The following NRXN3 variants were observed in gnomAD, a reference collection of about 807,000 sequenced individuals.
NRXN3 encodes neurexin III.
Under a neutral mutation model 137.6 loss-of-function variants are expected in NRXN3, and 32 were observed. That is an observed-to-expected ratio of 0.23 (90% confidence interval 0.18 to 0.31). The LOEUF (loss-of-function observed/expected upper bound fraction) is 0.31, where lower values mean the gene tolerates loss of function less well. NRXN3 is among the 10% of genes least tolerant of loss of function. NRXN3 has a pLI of 1.00. For synonymous variants in NRXN3, 798 were observed against 784.5 expected (o/e 1.02, Z -0.29); for missense variants, 1,574 against 2,062.5 (o/e 0.76, Z 4.59).
intron 15 of NRXN3, among the ~76,000 whole-genome samples, chr14:79,213,945 A>G (rs888821171): frequency 2.0e-5 from 3 of 152,236 alleles, no homozygotes; most frequent in African/African-American, 7.2e-5. Context: ...GATCAGTCAT[A>G]CAGACGTGTT....
intron 8 of NRXN3, among the ~76,000 whole-genome samples, chr14:78,757,083 TG>T (rs2098671803): frequency 6.6e-6 from 1 of 152,116 alleles, no homozygotes; most frequent in Admixed American, 6.5e-5. Flanking sequence ...ATCTTAAGAC[TG>T]ATGGTTCAGA....
intron 4 of NRXN3, among the ~76,000 whole-genome samples, chr14:78,396,819 A>G (rs2091503555): frequency 6.6e-6 from 1 of 152,156 alleles, no homozygotes; most frequent in Admixed American, 6.5e-5. Context: ...GCCATCACAC[A>G]ATATCATAGA....
intron 15 of NRXN3, among the ~76,000 whole-genome samples, chr14:79,094,948 A>AAGAGAG (rs138948861): frequency 3.0e-5 from 4 of 134,722 alleles, no homozygotes; most frequent in African/African-American, 1.1e-4. Context: ...GAGAGAGAGA[A>AAGAGAG]AGAGAGAGAG....
chr14:79,577,150 T>C (rs1213258872), intron 16 of NRXN3, among the ~76,000 whole-genome samples: 1 of 152,188 alleles, frequency 6.6e-6, no homozygotes, highest in Non-Finnish European at 1.5e-5. Flanking sequence ...TTGCTCCTCA[T>C]TCACCTTCCA....
chr14:79,634,021 AT>A (rs111882000), intron 16 of NRXN3, among the ~76,000 whole-genome samples: 39,774 of 151,810 alleles, frequency 0.26, 5,803 homozygotes, highest in African/African-American at 0.4. Context: ...AAAAAAAAAA[AT>A]CTTAGGCTGT....
At chr14:79,404,655 T>C (rs74446692) in intron 15 of NRXN3, among the ~76,000 whole-genome samples, 2,254 of 152,176 alleles carry the variant, frequency 0.015, 65 homozygotes, top group African/African-American at 0.053. Flanking sequence ...GATTTAAAAA[T>C]GTATAAAGGG....
intron 20 of NRXN3, among the ~76,000 whole-genome samples, chr14:79,824,823 G>A (rs1279720847): frequency 6.6e-6 from 1 of 152,110 alleles, no homozygotes; most frequent in East Asian, 1.9e-4. Flanking sequence ...TGTTAAAACT[G>A]TATCATCATA....
intron 14 of NRXN3, among the ~76,000 whole-genome samples, chr14:78,973,795 T>A (rs1241332261): frequency 6.6e-6 from 1 of 152,200 alleles, no homozygotes; most frequent in Non-Finnish European, 1.5e-5. Flanking sequence ...AGCAGGAGAC[T>A]GAGCCTCATG....
At chr14:79,020,945 G>T (rs1159032660) in intron 15 of NRXN3, among the ~76,000 whole-genome samples, 1 of 151,102 alleles carries the variant, frequency 6.6e-6, no homozygotes, top group African/African-American at 2.4e-5. Flanking sequence ...ATTATGGAGG[G>T]TGATAGTCTT....
chr14:78,325,495 C>G (rs2079955447), intron 4 of NRXN3, among the ~76,000 whole-genome samples: 1 of 152,030 alleles, frequency 6.6e-6, no homozygotes, highest in South Asian at 2.1e-4. Flanking sequence ...AATGTGATAC[C>G]CTAACACCAT....
chr14:79,402,421 G>T (rs921913570), intron 15 of NRXN3, among the ~76,000 whole-genome samples: 16 of 152,168 alleles, frequency 1.1e-4, no homozygotes, highest in Non-Finnish European at 1.8e-4. Flanking sequence ...TTTTACTGCT[G>T]TAAAAATCAC....
At chr14:78,456,860 T>TTTCTTTCTTTTTCC (rs2094741966) in intron 4 of NRXN3, among the ~76,000 whole-genome samples, 1 of 76,360 alleles carries the variant, frequency 1.3e-5, no homozygotes, top group Admixed American at 1.3e-4. Flanking sequence ...TTTCTTTTTC[T>TTTCTTTCTTTTTCC]CTTTCTTTCT....
chr14:78,475,089 CAA>C (rs1234389601), intron 4 of NRXN3, among the ~76,000 whole-genome samples: 19 of 152,058 alleles, frequency 1.2e-4, no homozygotes, highest in African/African-American at 4.6e-4. Flanking sequence ...TCTCCAGTAG[CAA>C]GAGTTTAACC....
chr14:78,722,470 G>A lies in NRXN3; in HGVS notation c.2044+7331G>A, dbSNP rs1403021261. 5.9e-5 allele frequency among the ~76,000 whole-genome samples: 9 copies of A among 152,222 alleles called. No homozygotes were observed. In the South Asian group the frequency reaches 1.9e-3, roughly 32 times the overall value. ...CTTTGAAACACAACACAAGGGGATT[G>A]TTGCAGGCTTTTCTAGCATCTCTGG... On this transcript the variant is annotated intron_variant, in intron 8 of 20. Coordinates refer to ENST00000335750, the MANE Select transcript of NRXN3 (RefSeq NM_001330195.2).
rs539862625 is a variant in NRXN3, at chr14:79,080,241, G to A, written c.3262+92100G>A. On this transcript the variant is annotated intron_variant, in intron 15 of 20. Coordinates refer to ENST00000335750, the MANE Select transcript of NRXN3 (RefSeq NM_001330195.2). ...CCCCTGGGTTCTACTGAGGTTAAGCGTCTAAAGTGTCCTTGACTCACTCAA... is the reference window on the plus strand; with the variant it reads ...CCCCTGGGTTCTACTGAGGTTAAGCATCTAAAGTGTCCTTGACTCACTCAA... Among the ~76,000 whole-genome samples the A allele has an allele frequency of 9.9e-5, 15 of 152,256 alleles. No individual in the cohort carries two copies. The East Asian group carries it at 1.2e-3, about 12-fold the overall frequency.
intron 16 of NRXN3, among the ~76,000 whole-genome samples, chr14:79,554,731 C>T (rs958757474): frequency 5.3e-5 from 8 of 152,106 alleles, no homozygotes; most frequent in African/African-American, 1.9e-4. Context: ...TAGGAGAATT[C>T]TAGAGGTTAG....
chr14:78,547,309 C>A (rs948126923), intron 4 of NRXN3, among the ~76,000 whole-genome samples: 1 of 151,764 alleles, frequency 6.6e-6, no homozygotes, highest in African/African-American at 2.4e-5. Context: ...GGGTTCATGC[C>A]ATTCTCCTGC....
intron 10 of NRXN3, among the ~76,000 whole-genome samples, chr14:78,887,640 T>C (rs1181652843): frequency 6.6e-6 from 1 of 152,104 alleles, no homozygotes; most frequent in African/African-American, 2.4e-5. Context: ...ATTAGGTCCA[T>C]AAGTTTTATC....
chr14:78,347,473 C>A (rs537100402), intron 4 of NRXN3, among the ~76,000 whole-genome samples: 3 of 152,188 alleles, frequency 2.0e-5, no homozygotes, highest in African/African-American at 4.8e-5. Context: ...CAAATAGAGA[C>A]AAGACAATGT....
Sources: gnomAD v4.1 joint callset for allele counts (sites outside exome capture counted in the v4.1 genomes callset) on GRCh38, gnomAD v4.1.1 for gene constraint, MANE v1.5 for transcripts, NCBI Gene and HGNC (gene_info 2026-07-23, HGNC 2026-07-21) for gene names.